PIBF1: variants seen among roughly 807,000 people sequenced by gnomAD.
The protein encoded by PIBF1 is progesterone-induced-blocking factor 1.
In PIBF1, 90 loss-of-function variants were observed where a neutral mutation model predicts 112.5. The observed-to-expected ratio is 0.80, with a 90% CI of 0.67 to 0.95. The LOEUF (loss-of-function observed/expected upper bound fraction) is 0.95. Ranked by LOEUF, PIBF1 falls within the 40% of genes least tolerant of loss-of-function variation. PIBF1 has a pLI of 0.00. For synonymous variants in PIBF1, 301 were observed against 288.6 expected (o/e 1.04, Z -0.44); for missense variants, 915 against 852.3 (o/e 1.07, Z -0.92).
intron 11 of PIBF1, among the ~76,000 whole-genome samples, chr13:72,898,452 G>C (rs965998462): frequency 6.6e-6 from 1 of 151,812 alleles, no homozygotes; most frequent in Non-Finnish European, 1.5e-5. Flanking sequence ...GGAAATAACC[G>C]AGATCAGAGC....
intron 14 of PIBF1, among the ~76,000 whole-genome samples, chr13:72,932,664 T>A (rs1466785293): frequency 3.3e-5 from 5 of 152,184 alleles, no homozygotes; most frequent in African/African-American, 1.2e-4. Flanking sequence ...ATACCAGTAC[T>A]TAATGTTTGC....
intron 14 of PIBF1, among the ~76,000 whole-genome samples, chr13:72,934,031 G>A (rs2041790820): frequency 6.6e-6 from 1 of 152,122 alleles, no homozygotes; most frequent in African/African-American, 2.4e-5. Context: ...GACATTTGGA[G>A]AAAGAATCAG....
intron 9 of PIBF1, among the ~76,000 whole-genome samples, chr13:72,840,222 A>G (rs575070800): frequency 6.6e-6 from 1 of 152,342 alleles, no homozygotes; most frequent in South Asian, 2.1e-4. Context: ...CTTGTATCAT[A>G]CTAATCTTCC....
At chr13:72,898,639 C>G (rs1449733043) in intron 11 of PIBF1, among the ~76,000 whole-genome samples, 2 of 150,348 alleles carry the variant, frequency 1.3e-5, no homozygotes, top group Non-Finnish European at 3.0e-5. Flanking sequence ...GAGTTCGAGT[C>G]CAGCCTGACC....
chr13:72,862,547 G>A (rs2038738986), intron 10 of PIBF1, among the ~76,000 whole-genome samples: 1 of 152,190 alleles, frequency 6.6e-6, no homozygotes, highest in Non-Finnish European at 1.5e-5. Flanking sequence ...CAGGCACTGT[G>A]ATTAAGGGTT....
chr13:72,818,698 T>TTTTC, intron 5 of PIBF1, among the ~76,000 whole-genome samples: 1 of 148,150 alleles, frequency 6.7e-6, no homozygotes, highest in Non-Finnish European at 1.5e-5. Flanking sequence ...TTTTTTTTTT[T>TTTTC]TTGCCAGTAT....
chr13:72,851,691 A>G (rs2038164606), intron 9 of PIBF1, among the ~76,000 whole-genome samples: 2 of 152,214 alleles, frequency 1.3e-5, no homozygotes, highest in South Asian at 4.1e-4. Flanking sequence ...CACCAGTTTC[A>G]CAGAACGGAG....
intron 14 of PIBF1, among the ~76,000 whole-genome samples, chr13:72,947,814 T>TA (rs1315104058): frequency 6.6e-6 from 1 of 152,116 alleles, no homozygotes; most frequent in Non-Finnish European, 1.5e-5. Context: ...CTATTCACAA[T>TA]AGCAAAGACT....
At chr13:72,828,205 T>G (rs569583574) in intron 8 of PIBF1, among the ~76,000 whole-genome samples, 1 of 152,136 alleles carries the variant, frequency 6.6e-6, no homozygotes, top group African/African-American at 2.4e-5. Context: ...GATGTATCCA[T>G]TAGGATAATT....
chr13:72,855,363 G>A (rs189247632), intron 10 of PIBF1, among the ~76,000 whole-genome samples: 86 of 152,252 alleles, frequency 5.6e-4, no homozygotes, highest in African/African-American at 2.0e-3. Context: ...CTATAATGTG[G>A]AAGTATGTCT....
intron 16 of PIBF1, among the ~76,000 whole-genome samples, chr13:72,976,212 C>T (rs2043017424): frequency 6.6e-6 from 1 of 151,978 alleles, no homozygotes; most frequent in South Asian, 2.1e-4. Flanking sequence ...ATAGTGCACT[C>T]TGATCTCACC....
intron 16 of PIBF1, among the ~76,000 whole-genome samples, chr13:72,979,961 G>A (rs1240639497): frequency 1.3e-5 from 2 of 151,994 alleles, no homozygotes; most frequent in Admixed American, 6.6e-5. Context: ...GCATAATCAC[G>A]GTCCTTGGTG....
At chr13:72,994,954 T>C (rs112430288) in intron 16 of PIBF1, among the ~76,000 whole-genome samples, 6 of 152,202 alleles carry the variant, frequency 3.9e-5, no homozygotes, top group African/African-American at 1.4e-4. Context: ...GTCAAAAAGG[T>C]CGGTGTAAGA....
chr13:72,918,706 C>CTT (rs71099768), intron 13 of PIBF1, among the ~76,000 whole-genome samples: 10 of 132,580 alleles, frequency 7.5e-5, no homozygotes, highest in African/African-American at 2.0e-4. Context: ...GCAACTACAT[C>CTT]TTTTTTTTTT....
intron 9 of PIBF1, among the ~76,000 whole-genome samples, chr13:72,842,425 A>G (rs1035783094): frequency 1.3e-5 from 2 of 152,222 alleles, no homozygotes; most frequent in Admixed American, 1.3e-4. Context: ...AACAATTAGT[A>G]TTGCTTTAGT....
At chr13:72,923,199 A>G (rs1183509989) in intron 13 of PIBF1, among the ~76,000 whole-genome samples, 2 of 152,168 alleles carry the variant, frequency 1.3e-5, no homozygotes, top group Non-Finnish European at 2.9e-5. Context: ...TCAATCCTCC[A>G]TTGTGCTTTG....
intron 10 of PIBF1, among the ~76,000 whole-genome samples, chr13:72,875,712 G>A (rs973949579): frequency 1.3e-5 from 2 of 151,984 alleles, no homozygotes; most frequent in Non-Finnish European, 2.9e-5. Context: ...ATCTTTTCAC[G>A]TGTTTATTGG....
chr13:72,958,363 A>G (rs1305235737), intron 14 of PIBF1, among the ~76,000 whole-genome samples: 2 of 150,786 alleles, frequency 1.3e-5, no homozygotes, highest in Non-Finnish European at 3.0e-5. Flanking sequence ...TGAAGTAGTA[A>G]TGTTCTATAG....
intron 2 of PIBF1, among the ~76,000 whole-genome samples, chr13:72,789,097 C>T (rs1376422057): frequency 6.6e-6 from 1 of 152,166 alleles, no homozygotes; most frequent in East Asian, 1.9e-4. Context: ...GATAGTAGAG[C>T]ATTGTTAGCT....
Sources: gnomAD v4.1 joint callset for allele counts (sites outside exome capture counted in the v4.1 genomes callset) on GRCh38, gnomAD v4.1.1 for gene constraint, MANE v1.5 for transcripts, NCBI Gene and HGNC (gene_info 2026-07-23, HGNC 2026-07-21) for gene names.